CUBN: variants seen among roughly 807,000 people sequenced by gnomAD.
CUBN encodes the protein cubilin.
Under a neutral mutation model 405.3 loss-of-function variants are expected in CUBN, and 282 were observed. The observed-to-expected ratio is 0.70, with a 90% CI of 0.63 to 0.77. The LOEUF (loss-of-function observed/expected upper bound fraction) is 0.77, where lower values mean the gene tolerates loss of function less well. Among genes scored for constraint, CUBN ranks in the 30% least tolerant of loss-of-function variants. The pLI is 0.00. For synonymous variants in CUBN, 1,684 were observed against 1,617.0 expected (o/e 1.04, Z -0.99); for missense variants, 4,514 against 4,475.2 (o/e 1.01, Z -0.25).
intron 64 of CUBN, among the ~76,000 whole-genome samples, chr10:16,832,463 T>C (rs1839035657): frequency 6.6e-6 from 1 of 152,170 alleles, no homozygotes; most frequent in African/African-American, 2.4e-5. Context: ...TCTAGTGCTT[T>C]GGGGATTATT....
At chr10:17,065,430 A>G (rs1289093437) in intron 22 of CUBN, 78 bp downstream of exon 22, 20 of 1,571,532 alleles carry the variant, frequency 1.3e-5, no homozygotes, top group Non-Finnish European at 1.6e-5. Context: ...CGGATGATGT[A>G]TTCTCATTGT....
intron 17 of CUBN, among the ~76,000 whole-genome samples, chr10:17,081,470 A>C (rs1835966372): frequency 6.6e-6 from 1 of 152,196 alleles, no homozygotes; most frequent in East Asian, 1.9e-4. Context: ...TATTTGAAAT[A>C]CCAACATTCT....
At chr10:16,978,283 G>A (rs1298173547) in intron 31 of CUBN, among the ~76,000 whole-genome samples, 2 of 152,292 alleles carry the variant, frequency 1.3e-5, no homozygotes, top group African/African-American at 4.8e-5. Flanking sequence ...GGAAAAAATG[G>A]TCCCAAAGAC....
chr10:17,077,030 T>G (rs1835868806), intron 17 of CUBN, among the ~76,000 whole-genome samples: 2 of 152,236 alleles, frequency 1.3e-5, no homozygotes, highest in South Asian at 4.1e-4. Context: ...AACTGAATTT[T>G]TCTAAGTCAG....
At chr10:16,848,668 A>C (rs1839589223) in intron 60 of CUBN, among the ~76,000 whole-genome samples, 1 of 109,978 alleles carries the variant, frequency 9.1e-6, no homozygotes, top group Non-Finnish European at 1.9e-5. Flanking sequence ...GGACTGCTCT[A>C]GTCATTTTGG....
At chr10:16,896,997 A>G (rs565018367) in intron 54 of CUBN, among the ~76,000 whole-genome samples, 2 of 152,120 alleles carry the variant, frequency 1.3e-5, no homozygotes, top group Non-Finnish European at 1.5e-5. Context: ...TTTCAGTTCT[A>G]TAATTTCTAT....
intron 15 of CUBN, among the ~76,000 whole-genome samples, chr10:17,086,995 C>T (rs540866618): frequency 6.6e-6 from 1 of 152,142 alleles, no homozygotes; most frequent in African/African-American, 2.4e-5. Context: ...GACCATTTTG[C>T]AGAAATTTTC....
intron 8 of CUBN, among the ~76,000 whole-genome samples, chr10:17,113,350 G>A (rs751086982): frequency 3.9e-5 from 6 of 152,210 alleles, no homozygotes; most frequent in East Asian, 3.9e-4. Flanking sequence ...TCCCTGGAGC[G>A]CAGATGAACC....
chr10:17,077,944 T>C (rs556958408), intron 17 of CUBN, among the ~76,000 whole-genome samples: 3 of 152,188 alleles, frequency 2.0e-5, no homozygotes, highest in Non-Finnish European at 4.4e-5. Flanking sequence ...TTAATAAATA[T>C]AATCTGATCT....
At chr10:16,834,540 T>A (rs1227232207) in intron 64 of CUBN, among the ~76,000 whole-genome samples, 1 of 152,166 alleles carries the variant, frequency 6.6e-6, no homozygotes. Context: ...CACTTGTCTT[T>A]AGAGGATGTT....
chr10:17,051,654 AT>A (rs1331229969), intron 22 of CUBN, among the ~76,000 whole-genome samples: 1 of 152,100 alleles, frequency 6.6e-6, no homozygotes, highest in Non-Finnish European at 1.5e-5. Flanking sequence ...ACTAATTCAA[AT>A]TAAAACTTCA....
chr10:16,894,641 C>A (rs1000154808), intron 54 of CUBN, among the ~76,000 whole-genome samples: 3 of 152,098 alleles, frequency 2.0e-5, no homozygotes, highest in African/African-American at 7.2e-5. Context: ...ATTCTTCCTC[C>A]CATTTTATTC....
chr10:17,104,489 A>G lies in CUBN; in HGVS notation c.1347T>C (p.Asp449=). The change falls in exon 12 of 67, where the codon GAT becomes GAC. Residue 449 remains aspartate (D), a synonymous_variant. Transcript: ENST00000377833. ...NPCLNGGTCV[D]GVDSFSCECT... is the part of the protein sequence containing the mutation. Reference sequence around the variant, plus strand: ...ATTCACAACTGAAAGAATCAACGCCATCAACACAAGTTCCTCCATTCAAAC... The same window carrying G: ...ATTCACAACTGAAAGAATCAACGCCGTCAACACAAGTTCCTCCATTCAAAC... 1.2e-6 allele frequency: 2 copies of G among 1,614,076 alleles called. No homozygotes were observed. Among genetic ancestry groups the G allele is most frequent in the Non-Finnish European group, 1.7e-6 (2 of 1,180,010 alleles).
chr10:16,889,482 G>A (rs139260295), intron 55 of CUBN, among the ~76,000 whole-genome samples: 132 of 152,226 alleles, frequency 8.7e-4, no homozygotes, highest in African/African-American at 2.9e-3. Flanking sequence ...CATTTCCCAC[G>A]AATCTAATAG....
intron 28 of CUBN, among the ~76,000 whole-genome samples, chr10:17,014,134 G>GAC (rs776276394): frequency 1.1e-4 from 17 of 152,142 alleles, no homozygotes; most frequent in Non-Finnish European, 1.6e-4. Context: ...GAGTAGTCCA[G>GAC]ACAGTGAGAT....
chr10:16,965,020 C>T (rs565588224), intron 31 of CUBN, among the ~76,000 whole-genome samples: 4 of 152,348 alleles, frequency 2.6e-5, no homozygotes, highest in African/African-American at 2.4e-5. Flanking sequence ...CAGTAAATGC[C>T]GGAAGCATGT....
intron 27 of CUBN, among the ~76,000 whole-genome samples, chr10:17,024,749 G>A (rs376672309): frequency 3.3e-5 from 5 of 152,012 alleles, no homozygotes; most frequent in Admixed American, 1.3e-4. Flanking sequence ...CAAGCAATCT[G>A]CCCACCTCGG....
At chr10:16,894,968 A>C (rs1055561829) in intron 54 of CUBN, among the ~76,000 whole-genome samples, 1 of 152,156 alleles carries the variant, frequency 6.6e-6, no homozygotes, top group Non-Finnish European at 1.5e-5. Context: ...CTTACCAGGC[A>C]CTTCCCATGG....
chr10:16,938,930 A>T, intron 38 of CUBN, 33 bp downstream of exon 38: 1 of 1,564,894 alleles, frequency 6.4e-7, no homozygotes, highest in South Asian at 1.1e-5. Flanking sequence ...ATTCACCAAT[A>T]TTTATGAACA....
Sources: gnomAD v4.1 joint callset for allele counts (sites outside exome capture counted in the v4.1 genomes callset) on GRCh38, gnomAD v4.1.1 for gene constraint, MANE v1.5 for transcripts, NCBI Gene and HGNC (gene_info 2026-07-23, HGNC 2026-07-21) for gene names.